ZNF516: variants seen among roughly 807,000 people sequenced by gnomAD.
The protein encoded by ZNF516 is zinc finger protein 516.
In ZNF516, 19 loss-of-function variants were observed where a neutral mutation model predicts 79.7. The observed-to-expected ratio is 0.24, with a 90% CI of 0.17 to 0.35. ZNF516 has a LOEUF of 0.35. ZNF516 is among the 10% of genes least tolerant of loss of function. The pLI is 1.00. For missense variants in ZNF516, 1,678 were observed against 1,679.5 expected, an observed-to-expected ratio of 1.00 and a Z score of 0.02; for synonymous variants, 877 against 739.5, an observed-to-expected ratio of 1.19 and a Z score of -3.02.
intron 1 of ZNF516, among the ~76,000 whole-genome samples, chr18:76,484,992 A>C (rs1472790496): frequency 2.0e-5 from 3 of 152,222 alleles, no homozygotes; most frequent in Admixed American, 6.5e-5. Context: ...AATTGTCCCC[A>C]AGTTTACGTT....
At chr18:76,367,040 C>G (rs1399635491) in intron 6 of ZNF516, among the ~76,000 whole-genome samples, 1 of 152,200 alleles carries the variant, frequency 6.6e-6, no homozygotes, top group Admixed American at 6.5e-5. Context: ...CTTCGCCTGC[C>G]TATTAGACAT....
chr18:76,463,994 G>A (rs903486606), intron 1 of ZNF516, among the ~76,000 whole-genome samples: 2 of 151,968 alleles, frequency 1.3e-5, no homozygotes, highest in Non-Finnish European at 2.9e-5. Context: ...CGTTCTTTAC[G>A]GCACCACGCC....
intron 1 of ZNF516, among the ~76,000 whole-genome samples, chr18:76,483,896 A>G: frequency 6.6e-6 from 1 of 152,200 alleles, no homozygotes; most frequent in South Asian, 2.1e-4. Flanking sequence ...ATGTGACAGC[A>G]GCCTCAGACA....
intron 1 of ZNF516, among the ~76,000 whole-genome samples, chr18:76,469,799 A>G (rs1412472189): frequency 1.3e-5 from 2 of 152,238 alleles, no homozygotes; most frequent in Non-Finnish European, 2.9e-5. Context: ...TAAAAAACCA[A>G]TACAGGCACT....
intron 3 of ZNF516, among the ~76,000 whole-genome samples, chr18:76,406,381 T>C (rs186856097): frequency 6.6e-6 from 1 of 152,184 alleles, no homozygotes; most frequent in East Asian, 1.9e-4. Flanking sequence ...CTGACCAACA[T>C]GGTGAAACCC....
At chr18:76,404,562 G>A (rs1387022935) in intron 3 of ZNF516, among the ~76,000 whole-genome samples, 1 of 151,842 alleles carries the variant, frequency 6.6e-6, no homozygotes, top group South Asian at 2.1e-4. Flanking sequence ...GCATGTGTTT[G>A]TATGTTTGTG....
At chr18:76,427,047 G>A (rs1276947031) in intron 3 of ZNF516, among the ~76,000 whole-genome samples, 4 of 152,244 alleles carry the variant, frequency 2.6e-5, no homozygotes, top group Admixed American at 2.6e-4. Flanking sequence ...CTGCAAAGGT[G>A]AGGATCAGGG....
intron 4 of ZNF516, 147 bp downstream of exon 4, chr18:76,378,708 G>C: frequency 4.1e-6 from 5 of 1,230,462 alleles, no homozygotes; most frequent in Non-Finnish European, 5.5e-6. Flanking sequence ...CAGGGCAAGG[G>C]AGCAGCTCTC....
chr18:76,463,464 A>G (rs1913250505), intron 1 of ZNF516, among the ~76,000 whole-genome samples: 1 of 152,258 alleles, frequency 6.6e-6, no homozygotes, highest in Admixed American at 6.5e-5. Flanking sequence ...TTGTCAATCC[A>G]GCCTATCAAA....
chr18:76,371,254 T>C (rs1481788170), intron 5 of ZNF516, among the ~76,000 whole-genome samples: 1 of 152,222 alleles, frequency 6.6e-6, no homozygotes, highest in Non-Finnish European at 1.5e-5. Context: ...TATCTCAAAT[T>C]AAACCACATG....
At chr18:76,401,139 C>T (rs373444618) in intron 3 of ZNF516, among the ~76,000 whole-genome samples, 1 of 152,028 alleles carries the variant, frequency 6.6e-6, no homozygotes, top group African/African-American at 2.4e-5. Context: ...TATTTATATC[C>T]TACTGCTCAA....
chr18:76,443,669 G>A lies in ZNF516; in HGVS notation c.-157-458C>T, dbSNP rs114398711. ...TGCACAGGTGGTGACAACAGTTGAC[G>A]GCACTTCACACACACAGTCACGTGC... is the stretch of plus-strand genomic sequence containing the variant. On this transcript the variant is annotated intron_variant, in intron 2 of 6. Coordinates refer to ENST00000443185, the MANE Select transcript of ZNF516 (RefSeq NM_014643.4). Among the ~76,000 whole-genome samples, 920 of 152,196 alleles carry A rather than the reference G, an allele frequency of 6.0e-3. 15 individuals are homozygous for A. The highest frequency in any genetic ancestry group is 0.017 in the African/African-American group (695 of 41,510).
chr18:76,372,162 GC>G (rs2074719078), intron 4 of ZNF516, among the ~76,000 whole-genome samples: 1 of 152,236 alleles, frequency 6.6e-6, no homozygotes, highest in Middle Eastern at 3.2e-3. Context: ...GCACCTGCTG[GC>G]CATCGGCAAG....
intron 3 of ZNF516, chr18:76,386,066 A>T (rs1035566433): frequency 6.6e-6 from 1 of 152,168 alleles, no homozygotes. Context: ...GCCCCTCTAT[A>T]TTGGGCTTCG....
In ZNF516 at chr18:76,463,385, A is replaced by G. The variant is rs529491349; in HGVS notation, c.-271-244T>C. Among the ~76,000 whole-genome samples the G allele has an allele frequency of 1.7e-3, 252 of 152,364 alleles. 1 individual carries two copies. The highest frequency in any genetic ancestry group is 0.01 in the Middle Eastern group (3 of 294). On this transcript the variant is annotated intron_variant, in intron 1 of 6. Transcript: ENST00000443185. ...AGCAGGAGAAGCATTCAACAGTCAC[A>G]GCACAAACGCAGCAGCGAAGGTAAC... is the stretch of plus-strand genomic sequence containing the variant.
intron 3 of ZNF516, 63 bp from the exon 4 acceptor site, chr18:76,380,366 C>T (rs954496729): frequency 4.5e-6 from 7 of 1,565,418 alleles, no homozygotes; most frequent in East Asian, 2.3e-5. Flanking sequence ...GCAAGACACA[C>T]GGTGCGTACA....
At position 76,454,604 on chromosome 18, in the gene ZNF516, T is replaced by C. The variant is rs1277496873; in HGVS notation, c.-158+8424A>G. Among the ~76,000 whole-genome samples, 4 of 152,252 alleles carry C rather than the reference T, an allele frequency of 2.6e-5. No individual in the cohort carries two copies. In the South Asian group the frequency reaches 8.3e-4, roughly 32 times the overall value. The stretch of plus-strand genomic sequence containing the variant: ...TCAGCTGCTTAAGGAGAGTGATCTA[T>C]CAGAGAATGTTTACAAAGAGCAATT... On this transcript the variant is annotated intron_variant, in intron 2 of 6. Coordinates refer to ENST00000443185, the MANE Select transcript of ZNF516 (RefSeq NM_014643.4).
At chr18:76,480,456 C>T (rs1914443382) in intron 1 of ZNF516, among the ~76,000 whole-genome samples, 1 of 151,524 alleles carries the variant, frequency 6.6e-6, no homozygotes, top group African/African-American at 2.4e-5. Flanking sequence ...TGAGCTAAGG[C>T]TGGTTTTTAC....
Position 76,379,571 on chromosome 18 carries a change from T to G in ZNF516, c.2543A>C (p.Lys848Thr), listed in dbSNP as rs2074853871. 3.1e-6 allele frequency: 5 copies of G among 1,613,602 alleles called. No homozygotes were observed. The highest frequency in any genetic ancestry group is 4.2e-6 in the Non-Finnish European group (5 of 1,179,884). Reference sequence around the variant, plus strand: ...CACTCCCAGGGGAGAAGAGCCACTTTTGGACCCCGGCATCCCCCCTGGCAC... The same window carrying G: ...CACTCCCAGGGGAGAAGAGCCACTTGTGGACCCCGGCATCCCCCCTGGCAC... The part of the protein sequence containing the change: ...TQVPGGMPGS[K>T]SGSSPLGVVT... The change falls in exon 4 of 7, where the codon AAA (lysine) becomes ACA (threonine). Residue 848 changes from lysine (K) to threonine (T), a missense_variant. Coordinates refer to ENST00000443185, the MANE Select transcript of ZNF516 (RefSeq NM_014643.4).
Sources: gnomAD v4.1 joint callset for allele counts (sites outside exome capture counted in the v4.1 genomes callset) on GRCh38, gnomAD v4.1.1 for gene constraint, MANE v1.5 for transcripts, NCBI Gene and HGNC (gene_info 2026-07-23, HGNC 2026-07-21) for gene names.